The following ZBTB20 variants were observed in gnomAD, a reference collection of about 807,000 sequenced individuals.
ZBTB20 encodes zinc finger and BTB domain-containing protein 20.
Under a neutral mutation model 56.9 loss-of-function variants are expected in ZBTB20, and 9 were observed. That is an observed-to-expected ratio of 0.16 (90% CI 0.10 to 0.28). ZBTB20 has a LOEUF of 0.28. Among genes scored for constraint, ZBTB20 ranks in the 10% least tolerant of loss-of-function variants. ZBTB20 has a pLI of 1.00. For missense variants in ZBTB20, 655 were observed against 1,003.0 expected (o/e 0.65, Z 4.69); for synonymous variants, 417 against 420.7 (o/e 0.99, Z 0.11).
intron 7 of ZBTB20, among the ~76,000 whole-genome samples, chr3:114,467,804 C>A (rs756566535): frequency 6.6e-6 from 1 of 152,074 alleles, no homozygotes; most frequent in Non-Finnish European, 1.5e-5. Context: ...TTAATTATTC[C>A]TTGGTGGGAA....
chr3:114,637,052 A>G (rs1418007659), intron 6 of ZBTB20, among the ~76,000 whole-genome samples: 2 of 152,092 alleles, frequency 1.3e-5, no homozygotes, highest in Non-Finnish European at 2.9e-5. Context: ...TATATCATAC[A>G]AAATAGACTT....
chr3:114,792,302 T>C (rs2071018968), intron 5 of ZBTB20: 1 of 152,142 alleles, frequency 6.6e-6, no homozygotes, highest in South Asian at 2.1e-4. Context: ...CACATTCTGA[T>C]TTAGGGCTAC....
chr3:115,079,469 T>C (rs1461741374), intron 1 of ZBTB20, among the ~76,000 whole-genome samples: 5 of 152,020 alleles, frequency 3.3e-5, no homozygotes, highest in Admixed American at 2.0e-4. Context: ...GCTCACTGCA[T>C]CCTCCGCCTC....
chr3:114,525,532 G>A (rs2047123855), intron 6 of ZBTB20, among the ~76,000 whole-genome samples: 3 of 152,130 alleles, frequency 2.0e-5, no homozygotes, highest in South Asian at 4.2e-4. Flanking sequence ...CTTCTCGGAT[G>A]GTTTTTCTAT....
chr3:114,830,200 C>T (rs889324226), intron 4 of ZBTB20, among the ~76,000 whole-genome samples: 8 of 151,882 alleles, frequency 5.3e-5, no homozygotes, highest in African/African-American at 1.9e-4. Flanking sequence ...CAGGTGTACT[C>T]TTTGCTTTAA....
chr3:114,862,964 G>A (rs1458673922), intron 4 of ZBTB20, among the ~76,000 whole-genome samples: 2 of 152,070 alleles, frequency 1.3e-5, no homozygotes, highest in African/African-American at 4.8e-5. Context: ...AGAGGTTCTA[G>A]GAATAAAGAC....
chr3:115,146,666 T>A (rs1560608239), intron 1 of ZBTB20, among the ~76,000 whole-genome samples: 1 of 151,906 alleles, frequency 6.6e-6, no homozygotes, highest in Non-Finnish European at 1.5e-5. Context: ...CCAGGACACC[T>A]CCTGCCCCCC....
At chr3:114,737,321 T>C (rs558624148) in intron 5 of ZBTB20, among the ~76,000 whole-genome samples, 1 of 152,276 alleles carries the variant, frequency 6.6e-6, no homozygotes, top group South Asian at 2.1e-4. Context: ...TTTTTCTAGA[T>C]ATGGACCCAC....
intron 10 of ZBTB20, among the ~76,000 whole-genome samples, chr3:114,368,132 C>T (rs907712083): frequency 3.3e-5 from 5 of 152,136 alleles, no homozygotes; most frequent in South Asian, 2.1e-4. Flanking sequence ...ATGTAGTGTT[C>T]CATCGAATCC....
intron 5 of ZBTB20, among the ~76,000 whole-genome samples, chr3:114,724,864 C>T (rs2065160624): frequency 6.6e-6 from 1 of 152,004 alleles, no homozygotes; most frequent in South Asian, 2.1e-4. Flanking sequence ...ATGGCTTTCA[C>T]ATTTAATTGA....
At chr3:114,970,957 G>A (rs2077855548) in intron 3 of ZBTB20, among the ~76,000 whole-genome samples, 1 of 151,754 alleles carries the variant, frequency 6.6e-6, no homozygotes, top group African/African-American at 2.4e-5. Flanking sequence ...GGAGCTTGCA[G>A]TGAGCCCAGA....
chr3:114,489,448 C>T (rs974061827), intron 7 of ZBTB20, among the ~76,000 whole-genome samples: 12 of 151,960 alleles, frequency 7.9e-5, no homozygotes, highest in African/African-American at 2.9e-4. Flanking sequence ...ATTCTGGGGG[C>T]TTTATGTGAT....
intron 5 of ZBTB20, among the ~76,000 whole-genome samples, chr3:114,748,871 T>A (rs186073008): frequency 6.6e-6 from 1 of 152,190 alleles, no homozygotes; most frequent in African/African-American, 2.4e-5. Context: ...AGATTGATGA[T>A]GGAGGCATTT....
intron 6 of ZBTB20, among the ~76,000 whole-genome samples, chr3:114,681,149 G>A (rs1003713366): frequency 3.4e-5 from 5 of 145,180 alleles, no homozygotes; most frequent in South Asian, 2.2e-4. Context: ...AAACATAACT[G>A]AGCGTATAAT....
At chr3:114,553,666 A>G (rs1350611175) in intron 6 of ZBTB20, among the ~76,000 whole-genome samples, 1 of 152,210 alleles carries the variant, frequency 6.6e-6, no homozygotes, top group East Asian at 1.9e-4. Flanking sequence ...GAAATGACTT[A>G]AACATAATCA....
Position 114,930,172 on chromosome 3 carries a change from TAGTG to T in ZBTB20, c.-455-29834_-455-29831del, listed in dbSNP as rs142872753. On this transcript the variant is annotated intron_variant, in intron 3 of 11. Transcript: ENST00000675478. ...CAATCACTACTAAGTGACTACTAAG[TAGTG>T]AGTAAGAGCTAAGGGAAACGGAGCG... Among the ~76,000 whole-genome samples the T allele has an allele frequency of 1.2e-4, 18 of 152,130 alleles. No homozygotes were observed. In the East Asian group the frequency reaches 3.5e-3, roughly 29 times the overall value.
chr3:114,464,513 A>G (rs919800575), intron 7 of ZBTB20, among the ~76,000 whole-genome samples: 5 of 152,242 alleles, frequency 3.3e-5, no homozygotes, highest in Admixed American at 2.0e-4. Flanking sequence ...TTACGTAAAC[A>G]TAAATATGCA....
At chr3:114,528,056 C>T (rs2047435931) in intron 6 of ZBTB20, among the ~76,000 whole-genome samples, 1 of 151,184 alleles carries the variant, frequency 6.6e-6, no homozygotes, top group African/African-American at 2.4e-5. Flanking sequence ...TGGACAATGC[C>T]TACTTTTCTT....
chr3:115,054,457 C>G (rs1300396771), intron 2 of ZBTB20, among the ~76,000 whole-genome samples: 4 of 152,052 alleles, frequency 2.6e-5, no homozygotes, highest in Non-Finnish European at 5.9e-5. Context: ...TATGAATTAT[C>G]TCACATTTTT....
Sources: allele counts gnomAD v4.1 joint callset (sites outside exome capture counted in the v4.1 genomes callset), GRCh38; gene constraint gnomAD v4.1.1; transcripts MANE v1.5; gene names NCBI Gene and HGNC (gene_info 2026-07-23, HGNC 2026-07-21).